Variants in WDFY3 observed in about 807,000 individuals in gnomAD.
WDFY3 encodes WD repeat and FYVE domain-containing protein 3.
A neutral mutation model predicts 409.6 loss-of-function variants in WDFY3; 66 were observed. That is an observed-to-expected ratio of 0.16 (90% CI 0.13 to 0.20). The LOEUF (loss-of-function observed/expected upper bound fraction) is 0.20, where lower values mean the gene tolerates loss of function less well. WDFY3 is among the 10% of genes least tolerant of loss of function. The pLI, the probability that WDFY3 is intolerant of heterozygous loss-of-function variation, is 1.00. For missense variants in WDFY3, 3,031 were observed against 4,298.1 expected (o/e 0.71, Z 8.24); for synonymous variants, 1,521 against 1,537.1 (o/e 0.99, Z 0.25).
intron 4 of WDFY3, among the ~76,000 whole-genome samples, chr4:84,856,528 T>C (rs995402959): frequency 1.3e-5 from 2 of 152,132 alleles, no homozygotes; most frequent in Non-Finnish European, 2.9e-5. Flanking sequence ...CACCATAATC[T>C]TTCAGTTTGA....
At chr4:84,875,782 A>T (rs1269117392) in intron 3 of WDFY3, among the ~76,000 whole-genome samples, 1 of 152,188 alleles carries the variant, frequency 6.6e-6, no homozygotes, top group African/African-American at 2.4e-5. Flanking sequence ...GCACAGGGCC[A>T]AGATTATCAA....
chr4:84,746,236 G>A lies in WDFY3; in HGVS notation c.5974-2437C>T, dbSNP rs1173991267. On this transcript the variant is annotated intron_variant, in intron 36 of 67. Coordinates refer to ENST00000295888, the MANE Select transcript of WDFY3 (RefSeq NM_014991.6). ...GGAGGCTGAGTTGGGAGGATTGATTGACCTCAGCAGGTCAAGGATGCAATG... is the reference window on the plus strand; with the variant it reads ...GGAGGCTGAGTTGGGAGGATTGATTAACCTCAGCAGGTCAAGGATGCAATG... Among the ~76,000 whole-genome samples, 12 of 150,558 alleles carry A rather than the reference G, an allele frequency of 8.0e-5. No individual in the cohort carries two copies. The South Asian group carries it at 2.5e-3, about 32-fold the overall frequency.
chr4:84,712,546 C>T (rs951898016), intron 51 of WDFY3, among the ~76,000 whole-genome samples: 2 of 151,776 alleles, frequency 1.3e-5, no homozygotes, highest in African/African-American at 4.8e-5. Context: ...CGTGGCAAAA[C>T]CCTGTCTCTA....
At chr4:84,909,110 G>T (rs1383950056) in intron 2 of WDFY3, among the ~76,000 whole-genome samples, 1 of 151,960 alleles carries the variant, frequency 6.6e-6, no homozygotes, top group East Asian at 1.9e-4. Context: ...TAGAGTAAAT[G>T]CATGGGAATG....
chr4:84,671,482 TTAATATA>T lies in WDFY3; in HGVS notation c.*1379_*1385del, dbSNP rs1233121115. 1.3e-5 allele frequency: 2 copies of T among 149,470 alleles called. No individual in the cohort carries two copies. Among genetic ancestry groups the T allele is most frequent in the African/African-American group, 2.4e-5 (1 of 40,944 alleles). 9.3% of individuals were successfully genotyped at this position (149,470 alleles called of 1,614,324 possible). On this transcript the variant is annotated 3_prime_UTR_variant, in exon 68 of 68. Coordinates refer to ENST00000295888, the MANE Select transcript of WDFY3 (RefSeq NM_014991.6). ...AAAATCTAGATTAATTGTTTCATTT[TTAATATA>T]TATTATATATATATATATATGTACA... is the stretch of plus-strand genomic sequence containing the variant.
intron 56 of WDFY3, 122 bp from the exon 57 acceptor site, chr4:84,696,945 C>A: frequency 1.3e-6 from 1 of 749,890 alleles, no homozygotes; most frequent in Non-Finnish European, 2.2e-6. Flanking sequence ...AATTGTACAC[C>A]AGAAAGGACT....
At chr4:84,728,949 G>A (rs867306749) in intron 44 of WDFY3, among the ~76,000 whole-genome samples, 1 of 151,942 alleles carries the variant, frequency 6.6e-6, no homozygotes, top group African/African-American at 2.4e-5. Context: ...TTTCTATAAT[G>A]CTGGCAATGA....
At chr4:84,714,873 C>A (rs1219558063) in intron 50 of WDFY3, among the ~76,000 whole-genome samples, 1 of 151,158 alleles carries the variant, frequency 6.6e-6, no homozygotes, top group African/African-American at 2.4e-5. Context: ...TGGCGTGAAC[C>A]CGGGAGGCGG....
intron 25 of WDFY3, among the ~76,000 whole-genome samples, chr4:84,781,832 A>G (rs907586342): frequency 1.3e-5 from 2 of 152,120 alleles, no homozygotes; most frequent in East Asian, 3.9e-4. Flanking sequence ...CGTGCTTTAG[A>G]GTAAAGAAAA....
chr4:84,682,473 A>C lies in WDFY3; in HGVS notation c.9727-3T>G. 6.2e-7 allele frequency: 1 copy of C among 1,611,112 alleles called. No individual in the cohort carries two copies. The highest frequency in any genetic ancestry group is 8.5e-7 in the Non-Finnish European group (1 of 1,178,698). ...TGCAAAAATTCCATTCTCCAAAACTAAATTTAAATAAGTACAAAAATTAAA... is the reference window on the plus strand; with the variant it reads ...TGCAAAAATTCCATTCTCCAAAACTCAATTTAAATAAGTACAAAAATTAAA... On this transcript the variant is annotated splice_region_variant and splice_polypyrimidine_tract_variant and intron_variant, in intron 63 of 67. Coordinates refer to ENST00000295888, the MANE Select transcript of WDFY3 (RefSeq NM_014991.6).
Position 84,810,081 on chromosome 4 carries a change from A to G in WDFY3, c.2151T>C (p.Asp717=). The stretch of plus-strand genomic sequence containing the variant: ...AGAAGCAGCCAAGAAATCGAACAGC[A>G]TCTGCCAACTTCTCATACTGAATCT... ...KTEIQYEKLA[D]AVRFLGCFSD... is the part of the protein sequence containing the mutation. Residue 717 remains aspartate, a synonymous_variant, in exon 14 of 68, where the codon GAT becomes GAC. Coordinates refer to ENST00000295888, the MANE Select transcript of WDFY3 (RefSeq NM_014991.6). The G allele has an allele frequency of 6.2e-7, 1 of 1,614,230 alleles. No individual in the cohort carries two copies. Among genetic ancestry groups the G allele is most frequent in the Non-Finnish European group, 8.5e-7 (1 of 1,180,016 alleles).
chr4:84,811,881 T>C (rs1245243153), intron 13 of WDFY3, among the ~76,000 whole-genome samples: 2 of 152,196 alleles, frequency 1.3e-5, no homozygotes, highest in East Asian at 1.9e-4. Flanking sequence ...ATAAAATTCA[T>C]GTATGTTTCA....
chr4:84,838,177 A>C (rs1409917128), intron 6 of WDFY3, among the ~76,000 whole-genome samples: 1 of 152,240 alleles, frequency 6.6e-6, no homozygotes, highest in Non-Finnish European at 1.5e-5. Context: ...CACAATAATA[A>C]TGGCTAACCT....
intron 3 of WDFY3, among the ~76,000 whole-genome samples, chr4:84,863,284 C>A (rs1760915346): frequency 6.6e-6 from 1 of 152,136 alleles, no homozygotes; most frequent in African/African-American, 2.4e-5. Context: ...TTTTTAATTT[C>A]TTGAAGAATC....
chr4:84,833,484 C>A (rs563302820), intron 7 of WDFY3, among the ~76,000 whole-genome samples: 1 of 152,042 alleles, frequency 6.6e-6, no homozygotes, highest in South Asian at 2.1e-4. Context: ...TGAGACCAGC[C>A]TGGGCAACAT....
chr4:84,747,562 T>C (rs112767149), intron 36 of WDFY3, among the ~76,000 whole-genome samples: 2,287 of 152,264 alleles, frequency 0.015, 20 homozygotes, highest in Middle Eastern at 0.034. Context: ...AATGTGCTTA[T>C]GTTGGCTGTA....
At chr4:84,701,588 T>C (rs1236152707) in intron 56 of WDFY3, among the ~76,000 whole-genome samples, 5 of 152,116 alleles carry the variant, frequency 3.3e-5, no homozygotes, top group Admixed American at 2.0e-4. Context: ...ATGGAAACAA[T>C]GGAATTTTGA....
In WDFY3 at chr4:84,830,497, G is replaced by A. The variant is rs925980269; in HGVS notation, c.769+916C>T. ...GGTTAAGTGTATTAAATGCGTTTTCGACTTACACTATTTTCAAATTATGAT... is the reference window on the plus strand; with the variant it reads ...GGTTAAGTGTATTAAATGCGTTTTCAACTTACACTATTTTCAAATTATGAT... On this transcript the variant is annotated intron_variant, in intron 8 of 67. Coordinates refer to ENST00000295888, the MANE Select transcript of WDFY3 (RefSeq NM_014991.6). Among the ~76,000 whole-genome samples, 3 of 152,086 alleles carry A rather than the reference G, an allele frequency of 2.0e-5. 1 individual carries two copies. Among genetic ancestry groups the A allele is most frequent in the Non-Finnish European group, 4.4e-5 (3 of 68,020 alleles).
chr4:84,720,172 C>T (rs1715454494), intron 47 of WDFY3, among the ~76,000 whole-genome samples: 1 of 152,028 alleles, frequency 6.6e-6, no homozygotes, highest in African/African-American at 2.4e-5. Flanking sequence ...CTATAAGGAG[C>T]TCGACATCTA....
Sources: gnomAD v4.1 joint callset for allele counts (sites outside exome capture counted in the v4.1 genomes callset) on GRCh38, gnomAD v4.1.1 for gene constraint, MANE v1.5 for transcripts, NCBI Gene and HGNC (gene_info 2026-07-23, HGNC 2026-07-21) for gene names.